Variants in ESRRG observed in about 807,000 individuals in gnomAD.
ESRRG encodes estrogen-related receptor gamma.
ESRRG carries 13 observed loss-of-function variants against 44.0 expected under a neutral mutation model. The observed-to-expected ratio is 0.30, with a 90% confidence interval of 0.19 to 0.47. The LOEUF is 0.47. Among genes scored for constraint, ESRRG ranks in the 20% least tolerant of loss-of-function variants. The pLI, the probability that ESRRG is intolerant of heterozygous loss-of-function variation, is 1.00. For synonymous variants in ESRRG, 215 were observed against 214.6 expected (o/e 1.00, Z -0.02); for missense variants, 395 against 580.6 (o/e 0.68, Z 3.29).
At chr1:216,937,710 C>A (rs983732541) in intron 2 of ESRRG, among the ~76,000 whole-genome samples, 2 of 152,174 alleles carry the variant, frequency 1.3e-5, no homozygotes, top group African/African-American at 4.8e-5. Flanking sequence ...TGCTGCTTAG[C>A]TGCATTCTGC....
intron 2 of ESRRG, among the ~76,000 whole-genome samples, chr1:216,925,668 C>CA (rs1318548532): frequency 1.3e-5 from 2 of 151,246 alleles, no homozygotes; most frequent in African/African-American, 2.4e-5. Flanking sequence ...TGGGTCTGCT[C>CA]GGCTGGGTGT....
chr1:216,915,048 A>G (rs753597743), intron 2 of ESRRG, among the ~76,000 whole-genome samples: 5 of 152,178 alleles, frequency 3.3e-5, no homozygotes, highest in Non-Finnish European at 7.4e-5. Context: ...CAAAGTATGT[A>G]CACGATTTCC....
chr1:217,062,928 A>G (rs2088853219), intron 1 of ESRRG, among the ~76,000 whole-genome samples: 1 of 152,190 alleles, frequency 6.6e-6, no homozygotes, highest in South Asian at 2.1e-4. Flanking sequence ...AAACAAGGAT[A>G]AGGTGCACGC....
At chr1:217,058,485 T>C (rs2087631572) in intron 1 of ESRRG, among the ~76,000 whole-genome samples, 1 of 152,138 alleles carries the variant, frequency 6.6e-6, no homozygotes, top group Non-Finnish European at 1.5e-5. Flanking sequence ...ATATTAAGTA[T>C]ATAGTTACTT....
intron 4 of ESRRG, among the ~76,000 whole-genome samples, chr1:216,567,510 A>G (rs1458058448): frequency 1.3e-5 from 2 of 152,168 alleles, no homozygotes; most frequent in African/African-American, 2.4e-5. Context: ...TTAAACTTCT[A>G]TAGCTCCAAA....
intron 3 of ESRRG, among the ~76,000 whole-genome samples, chr1:216,602,918 C>T (rs1267709566): frequency 6.6e-6 from 1 of 152,090 alleles, no homozygotes; most frequent in Non-Finnish European, 1.5e-5. Context: ...AACAGTTTTT[C>T]AGCTGTATTA....
intron 1 of ESRRG, among the ~76,000 whole-genome samples, chr1:216,939,988 A>G (rs1434839644): frequency 2.0e-5 from 3 of 152,174 alleles, no homozygotes; most frequent in Non-Finnish European, 4.4e-5. Flanking sequence ...TGCTCTGGTT[A>G]GGGTTTCAAA....
chr1:216,601,727 A>T (rs148498996), intron 3 of ESRRG, among the ~76,000 whole-genome samples: 17 of 152,310 alleles, frequency 1.1e-4, no homozygotes, highest in Non-Finnish European at 2.2e-4. Context: ...GGCAGATGTT[A>T]CTTAAGATTT....
intron 2 of ESRRG, among the ~76,000 whole-genome samples, chr1:216,895,887 A>G (rs1199009769): frequency 6.6e-6 from 1 of 152,194 alleles, no homozygotes; most frequent in Non-Finnish European, 1.5e-5. Flanking sequence ...GTGAGTTCAA[A>G]TGGAAATCAG....
At chr1:216,835,493 A>G (rs1392002184) in intron 2 of ESRRG, among the ~76,000 whole-genome samples, 1 of 152,184 alleles carries the variant, frequency 6.6e-6, no homozygotes, top group Non-Finnish European at 1.5e-5. Context: ...GCACACTCCC[A>G]AGTTAGGTTC....
At chr1:216,853,405 G>A (rs908688482) in intron 2 of ESRRG, among the ~76,000 whole-genome samples, 1 of 152,088 alleles carries the variant, frequency 6.6e-6, no homozygotes, top group Non-Finnish European at 1.5e-5. Context: ...AAATCATAAA[G>A]TCCAAATTCC....
At chr1:216,992,005 T>A (rs2075787031) in intron 1 of ESRRG, among the ~76,000 whole-genome samples, 1 of 152,192 alleles carries the variant, frequency 6.6e-6, no homozygotes, top group Admixed American at 6.5e-5. Flanking sequence ...CAGTGTGTGA[T>A]ACGCTGCTTT....
chr1:217,055,800 T>G (rs971265582), intron 1 of ESRRG, among the ~76,000 whole-genome samples: 5 of 152,154 alleles, frequency 3.3e-5, no homozygotes, highest in Non-Finnish European at 5.9e-5. Flanking sequence ...CTAAAATTCT[T>G]TCAGTTTTCC....
chr1:217,042,015 T>G (rs939885068), intron 1 of ESRRG, among the ~76,000 whole-genome samples: 4 of 152,226 alleles, frequency 2.6e-5, no homozygotes, highest in Non-Finnish European at 4.4e-5. Context: ...CATTTGGCTG[T>G]GCTGCTGTCA....
intron 1 of ESRRG, among the ~76,000 whole-genome samples, chr1:217,017,249 G>C (rs933579508): frequency 6.6e-6 from 1 of 152,110 alleles, no homozygotes; most frequent in African/African-American, 2.4e-5. Flanking sequence ...TCTACCCAGG[G>C]AGGGGGAAAA....
intron 2 of ESRRG, among the ~76,000 whole-genome samples, chr1:216,669,162 T>A (rs1416613): frequency 6.6e-6 from 1 of 151,874 alleles, no homozygotes; most frequent in African/African-American, 2.4e-5. Context: ...CAGATCCTGA[T>A]ATATGTGATA....
intron 1 of ESRRG, among the ~76,000 whole-genome samples, chr1:217,009,228 C>T (rs1167053451): frequency 6.6e-6 from 1 of 152,090 alleles, no homozygotes; most frequent in Admixed American, 6.5e-5. Flanking sequence ...CAATGCAGGG[C>T]CCACAGCGGG....
chr1:216,793,999 G>C (rs1004308100), intron 2 of ESRRG, among the ~76,000 whole-genome samples: 21 of 148,652 alleles, frequency 1.4e-4, no homozygotes, highest in African/African-American at 4.5e-4. Flanking sequence ...TTAACCCAGA[G>C]TATATAGAAG....
intron 2 of ESRRG, among the ~76,000 whole-genome samples, chr1:216,787,026 C>T (rs888751888): frequency 1.3e-5 from 2 of 151,994 alleles, no homozygotes; most frequent in African/African-American, 4.8e-5. Context: ...TCTATCAGTG[C>T]CATTTCTCCA....
Sources: gnomAD v4.1 joint callset for allele counts (sites outside exome capture counted in the v4.1 genomes callset) on GRCh38, gnomAD v4.1.1 for gene constraint, MANE v1.5 for transcripts, NCBI Gene and HGNC (gene_info 2026-07-23, HGNC 2026-07-21) for gene names.